The following EFNA5 variants were observed in gnomAD, a reference collection of about 807,000 sequenced individuals.
EFNA5 encodes the protein ephrin A5, also known as ephrin-A5.
Under a neutral mutation model 22.9 loss-of-function variants are expected in EFNA5, and 5 were observed. That is an observed-to-expected ratio of 0.22 (90% CI 0.11 to 0.46). The LOEUF (loss-of-function observed/expected upper bound fraction) is 0.46, where lower values mean the gene tolerates loss of function less well. Among genes scored for constraint, EFNA5 ranks in the 20% least tolerant of loss-of-function variants. The pLI, the probability that EFNA5 is intolerant of heterozygous loss-of-function variation, is 0.99. For synonymous variants in EFNA5, 113 were observed against 112.2 expected (o/e 1.01, Z -0.04); for missense variants, 237 against 293.3 (o/e 0.81, Z 1.40).
intron 1 of EFNA5, among the ~76,000 whole-genome samples, chr5:107,505,386 T>C (rs1351915459): frequency 1.3e-5 from 2 of 152,228 alleles, no homozygotes; most frequent in Non-Finnish European, 2.9e-5. Flanking sequence ...GTGCACTGTG[T>C]ACTGATTCTC....
At chr5:107,626,424 C>T (rs532307809) in intron 1 of EFNA5, among the ~76,000 whole-genome samples, 1 of 152,162 alleles carries the variant, frequency 6.6e-6, no homozygotes, top group South Asian at 2.1e-4. Flanking sequence ...TAGGTACACA[C>T]CACCACACCT....
chr5:107,526,937 G>C (rs1747707193), intron 1 of EFNA5, among the ~76,000 whole-genome samples: 1 of 152,156 alleles, frequency 6.6e-6, no homozygotes, highest in African/African-American at 2.4e-5. Flanking sequence ...CTTCACCTAT[G>C]CTGTTCTTTT....
At chr5:107,437,968 C>T (rs1481848231) in intron 1 of EFNA5, among the ~76,000 whole-genome samples, 1 of 152,192 alleles carries the variant, frequency 6.6e-6, no homozygotes, top group Non-Finnish European at 1.5e-5. Flanking sequence ...AAGTTTCTCT[C>T]TTGTCATTAA....
intron 1 of EFNA5, among the ~76,000 whole-genome samples, chr5:107,650,752 G>A (rs1467042920): frequency 1.3e-5 from 2 of 152,062 alleles, no homozygotes; most frequent in Non-Finnish European, 2.9e-5. Context: ...TCTTCTGAAC[G>A]TCTTCAAAAA....
At chr5:107,470,691 A>G (rs1750115189) in intron 1 of EFNA5, among the ~76,000 whole-genome samples, 1 of 152,166 alleles carries the variant, frequency 6.6e-6, no homozygotes, top group Non-Finnish European at 1.5e-5. Flanking sequence ...AAAGATTAAC[A>G]TTGCTGATAA....
At chr5:107,539,010 C>A (rs1402271363) in intron 1 of EFNA5, among the ~76,000 whole-genome samples, 1 of 152,180 alleles carries the variant, frequency 6.6e-6, no homozygotes, top group East Asian at 1.9e-4. Flanking sequence ...GCTTGTGAGG[C>A]ATAAGACACA....
Position 107,426,902 on chromosome 5 carries a change from T to TA in EFNA5, c.418+314_418+315insT, listed in dbSNP as rs376605138. ...TAAATTTAATTATTTCCTTTAATTT[T>TA]TTTTTCAGGAGTCTTTTTTTCTTTT... On this transcript the variant is annotated intron_variant, in intron 2 of 4. Coordinates refer to ENST00000333274, the MANE Select transcript of EFNA5 (RefSeq NM_001962.3). 2.7e-4 allele frequency: 74 copies of TA among 278,218 alleles called. 2 individuals carry two copies. Among genetic ancestry groups the TA allele is most frequent in the African/African-American group, 1.6e-3 (71 of 44,900 alleles). The allele number at this position is 278,218 out of a possible 1,614,324, so 17.2% of individuals were successfully genotyped here. A position where few individuals can be genotyped will look rare whatever the true frequency, so the allele number is the denominator to read the frequency against.
At chr5:107,569,572 TATATATATATATA>T (rs1561435990) in intron 1 of EFNA5, among the ~76,000 whole-genome samples, 10 of 125,222 alleles carry the variant, frequency 8.0e-5, no homozygotes, top group African/African-American at 2.3e-4. Context: ...TATATATATA[TATATATATATATA>T]TATATATATA....
intron 1 of EFNA5, among the ~76,000 whole-genome samples, chr5:107,617,237 C>CACAGAGAGAG (rs1385888674): frequency 6.9e-6 from 1 of 144,458 alleles, no homozygotes; most frequent in Non-Finnish European, 1.5e-5. Flanking sequence ...CACACACACA[C>CACAGAGAGAG]AGAGAGAGAG....
chr5:107,455,542 A>G (rs1749674540), intron 1 of EFNA5, among the ~76,000 whole-genome samples: 1 of 152,194 alleles, frequency 6.6e-6, no homozygotes, highest in Non-Finnish European at 1.5e-5. Context: ...GCTGGTGATC[A>G]AGTCCACCCA....
intron 1 of EFNA5, among the ~76,000 whole-genome samples, chr5:107,442,134 T>C (rs894594215): frequency 1.3e-5 from 2 of 152,174 alleles, no homozygotes; most frequent in Admixed American, 6.6e-5. Flanking sequence ...ACAGTAATTA[T>C]ATAAATATAC....
intron 2 of EFNA5, among the ~76,000 whole-genome samples, chr5:107,388,231 G>A (rs1032617716): frequency 1.3e-5 from 2 of 152,134 alleles, no homozygotes; most frequent in South Asian, 4.1e-4. Context: ...AGACTTAAAC[G>A]TGACCTATTT....
intron 1 of EFNA5, among the ~76,000 whole-genome samples, chr5:107,598,656 A>G (rs2112510244): frequency 6.6e-6 from 1 of 152,330 alleles, no homozygotes; most frequent in Admixed American, 6.5e-5. Flanking sequence ...GTGGTCTTAT[A>G]AAGGTCAGAA....
chr5:107,409,358 T>A (rs1748301507), intron 2 of EFNA5, among the ~76,000 whole-genome samples: 1 of 152,166 alleles, frequency 6.6e-6, no homozygotes, highest in Non-Finnish European at 1.5e-5. Flanking sequence ...ACATTAAGCC[T>A]GTGAGAGATT....
At chr5:107,476,554 A>T (rs1267754274) in intron 1 of EFNA5, among the ~76,000 whole-genome samples, 5 of 152,114 alleles carry the variant, frequency 3.3e-5, no homozygotes, top group Non-Finnish European at 7.4e-5. Flanking sequence ...AATATAAAAC[A>T]AATGAAAATG....
chr5:107,489,693 A>G (rs1746749620), intron 1 of EFNA5, among the ~76,000 whole-genome samples: 1 of 147,408 alleles, frequency 6.8e-6, no homozygotes. Context: ...CTAATGTTTC[A>G]TTCCTGCAAC....
At chr5:107,640,973 C>T (rs35273444) in intron 1 of EFNA5, among the ~76,000 whole-genome samples, 30,544 of 126,184 alleles carry the variant, frequency 0.24, 3,629 homozygotes, top group Middle Eastern at 0.33. Flanking sequence ...GGTAGGTAGG[C>T]AGGTAGATAG....
chr5:107,400,251 G>A (rs1168764415), intron 2 of EFNA5, among the ~76,000 whole-genome samples: 1 of 151,650 alleles, frequency 6.6e-6, no homozygotes, highest in African/African-American at 2.4e-5. Flanking sequence ...AATCTGAATA[G>A]GCTAAATTTG....
chr5:107,427,399 A>T lies in EFNA5; in HGVS notation c.236T>A (p.Leu79His). 1 of 1,614,154 alleles carries T rather than the reference A, an allele frequency of 6.2e-7. No individual in the cohort carries two copies. The highest frequency in any genetic ancestry group is 8.5e-7 in the Non-Finnish European group (1 of 1,180,022). Residue 79 changes from leucine to histidine, a missense_variant, in exon 2 of 5, where the codon CTC (leucine) becomes CAC (histidine). Around this residue, in one of 3 missense-constraint regions of EFNA5, gnomAD observed 120 missense variants for 140.5 expected, o/e 0.85. Coordinates refer to ENST00000333274, the MANE Select transcript of EFNA5 (RefSeq NM_001962.3). ...GTAGCCATCAAAGTTCACCATGTAG[A>T]GGACATAGCGCTCAGTCTTATCTTC... is the stretch of plus-strand genomic sequence containing the variant. ...VPEDKTERYVLYMVNFDGYSA... is the reference protein window; with the variant it reads ...VPEDKTERYVHYMVNFDGYSA...
Sources: allele counts gnomAD v4.1 joint callset (sites outside exome capture counted in the v4.1 genomes callset), GRCh38; gene constraint gnomAD v4.1.1; regional missense constraint gnomAD v4.1.1; transcripts MANE v1.5; gene names NCBI Gene and HGNC (gene_info 2026-07-23, HGNC 2026-07-21).